NAV2: variants seen among roughly 807,000 people sequenced by gnomAD.
NAV2 encodes neuron navigator 2, also known as helicase, APC down-regulated 1.
In NAV2, 54 loss-of-function variants were observed where a neutral mutation model predicts 223.2. The observed-to-expected ratio is 0.24, with a 90% CI of 0.19 to 0.30. The LOEUF is 0.30. Among genes scored for constraint, NAV2 ranks in the 10% least tolerant of loss-of-function variants. The pLI is 1.00. For synonymous variants in NAV2, 1,279 were observed against 1,239.3 expected (o/e 1.03, Z -0.67); for missense variants, 2,806 against 3,147.5 (o/e 0.89, Z 2.60).
chr11:19,634,680 T>C, intron 1 of NAV2, among the ~76,000 whole-genome samples: 1 of 152,280 alleles, frequency 6.6e-6, no homozygotes, highest in South Asian at 2.1e-4. Flanking sequence ...CTGTCCAGTG[T>C]CTAGGAAGTG....
chr11:19,813,650 C>T (rs1276753841), intron 1 of NAV2, among the ~76,000 whole-genome samples: 1 of 152,192 alleles, frequency 6.6e-6, no homozygotes, highest in African/African-American at 2.4e-5. Context: ...AATCTGACCA[C>T]AGCGGGTGCG....
intron 27 of NAV2, 93 bp downstream of exon 27, chr11:20,091,111 A>T: frequency 7.4e-7 from 1 of 1,356,280 alleles, no homozygotes; most frequent in Non-Finnish European, 1.0e-6. Flanking sequence ...CTGCATCAGA[A>T]TCTGGTGGCG....
At chr11:19,739,256 T>G (rs1003236471) in intron 1 of NAV2, among the ~76,000 whole-genome samples, 13 of 152,214 alleles carry the variant, frequency 8.5e-5, no homozygotes, top group African/African-American at 2.9e-4. Context: ...TCAGTAAAAT[T>G]TAAAATCATT....
chr11:19,749,276 C>A (rs1297835124), intron 1 of NAV2, among the ~76,000 whole-genome samples: 1 of 152,188 alleles, frequency 6.6e-6, no homozygotes, highest in Non-Finnish European at 1.5e-5. Flanking sequence ...TGAAACCAAG[C>A]AAGGTGTGAG....
At chr11:19,467,010 CACACACACAGAG>C (rs1852381551) in intron 1 of NAV2, among the ~76,000 whole-genome samples, 2 of 135,896 alleles carry the variant, frequency 1.5e-5, no homozygotes, top group Non-Finnish European at 3.2e-5. Flanking sequence ...CACACACACA[CACACACACAGAG>C]AGAGAGAGAG....
intron 6 of NAV2, among the ~76,000 whole-genome samples, chr11:19,924,122 A>G (rs750256180): frequency 2.0e-5 from 3 of 152,084 alleles, no homozygotes; most frequent in Non-Finnish European, 2.9e-5. Flanking sequence ...TCTCTTTTTA[A>G]GGTGTTATCA....
In NAV2 at chr11:19,408,415, T is replaced by A. The variant is rs766653113; in HGVS notation, c.75+57388T>A. On this transcript the variant is annotated intron_variant, in intron 1 of 37. Coordinates refer to the NAV2 transcript ENST00000360655. ...AGTAATTGTGTGCAGTCACTCCAGATAATTTTTGCTAGAAATATTGTATGT... is the reference window on the plus strand; with the variant it reads ...AGTAATTGTGTGCAGTCACTCCAGAAAATTTTTGCTAGAAATATTGTATGT... 5.9e-5 allele frequency among the ~76,000 whole-genome samples: 9 copies of A among 152,218 alleles called. No individual in the cohort carries two copies. The South Asian group carries it at 1.2e-3, about 21-fold the overall frequency.
intron 6 of NAV2, among the ~76,000 whole-genome samples, chr11:19,923,600 C>T (rs1293326608): frequency 6.6e-6 from 1 of 152,186 alleles, no homozygotes; most frequent in Non-Finnish European, 1.5e-5. Flanking sequence ...AAGGGGCCTA[C>T]AGAATTCCTT....
chr11:19,438,119 C>A (rs1851274815), intron 1 of NAV2, among the ~76,000 whole-genome samples: 2 of 152,210 alleles, frequency 1.3e-5, no homozygotes, highest in Admixed American at 6.5e-5. Context: ...CCACTATCAC[C>A]CATCCCTTGT....
chr11:19,605,395 C>G lies in NAV2; in HGVS notation c.76-227089C>G, dbSNP rs574291700. Among the ~76,000 whole-genome samples, 17 of 152,228 alleles carry G rather than the reference C, an allele frequency of 1.1e-4. No individual in the cohort carries two copies. In the South Asian group the frequency reaches 3.1e-3, roughly 28 times the overall value. ...GAAGATGGACTCCTCTGCACTGATC[C>G]TAAGTGTATTTACCGTTTCCTCTTG... On this transcript the variant is annotated intron_variant, in intron 1 of 37. Coordinates refer to the NAV2 transcript ENST00000360655.
chr11:19,697,822 C>T (rs535454459), intron 1 of NAV2, among the ~76,000 whole-genome samples: 14 of 152,360 alleles, frequency 9.2e-5, no homozygotes, highest in African/African-American at 3.4e-4. Context: ...TTGGCTCTGA[C>T]AGCAGCTCCG....
chr11:19,483,429 A>T (rs1370398327), intron 1 of NAV2, among the ~76,000 whole-genome samples: 1 of 152,156 alleles, frequency 6.6e-6, no homozygotes, highest in Non-Finnish European at 1.5e-5. Flanking sequence ...AGTAACCATT[A>T]TTGCACTTAA....
At chr11:19,454,966 C>A (rs77860705) in intron 1 of NAV2, among the ~76,000 whole-genome samples, 5,959 of 152,182 alleles carry the variant, frequency 0.039, 288 homozygotes, top group African/African-American at 0.11. Flanking sequence ...GCATCACCTG[C>A]GAACAGGTTA....
At chr11:19,356,718 A>AT (rs1368630474) in intron 1 of NAV2, among the ~76,000 whole-genome samples, 1 of 152,164 alleles carries the variant, frequency 6.6e-6, no homozygotes, top group East Asian at 1.9e-4. Context: ...ACTGAATTGC[A>AT]TTTCCCAAAC....
intron 1 of NAV2, among the ~76,000 whole-genome samples, chr11:19,572,977 A>G (rs1177863412): frequency 6.6e-6 from 1 of 152,150 alleles, no homozygotes; most frequent in East Asian, 1.9e-4. Flanking sequence ...CCTTTTGAAA[A>G]ACTGGCCACA....
At chr11:19,821,360 T>C (rs950712575) in intron 1 of NAV2, among the ~76,000 whole-genome samples, 2 of 151,840 alleles carry the variant, frequency 1.3e-5, no homozygotes, top group Non-Finnish European at 2.9e-5. Context: ...ATCCTTAAAA[T>C]ATCACCTGTT....
At chr11:19,522,922 A>T (rs1422456925) in intron 1 of NAV2, among the ~76,000 whole-genome samples, 2 of 152,194 alleles carry the variant, frequency 1.3e-5, no homozygotes. Flanking sequence ...TGCAGTTATT[A>T]TTATTGGGAA....
At chr11:19,491,860 G>A (rs142436822) in intron 1 of NAV2, among the ~76,000 whole-genome samples, 110 of 152,196 alleles carry the variant, frequency 7.2e-4, no homozygotes, top group African/African-American at 2.4e-3. Context: ...AGAGATGTGC[G>A]ACTCTTCCTT....
At chr11:20,019,249 G>A (rs2054277837) in intron 11 of NAV2, among the ~76,000 whole-genome samples, 1 of 152,196 alleles carries the variant, frequency 6.6e-6, no homozygotes, top group South Asian at 2.1e-4. Context: ...TATTGCAGAT[G>A]TTCAGTAGTG....
Sources: allele counts gnomAD v4.1 joint callset (sites outside exome capture counted in the v4.1 genomes callset), GRCh38; gene constraint gnomAD v4.1.1; transcripts MANE v1.5; gene names NCBI Gene and HGNC (gene_info 2026-07-23, HGNC 2026-07-21).